UBR1: variants seen among roughly 807,000 people sequenced by gnomAD.
The protein encoded by UBR1 is ubiquitin protein ligase E3 component n-recognin 1, also known as E3 ubiquitin-protein ligase UBR1.
UBR1 carries 102 observed loss-of-function variants against 242.1 expected under a neutral mutation model. The ratio of observed to expected loss-of-function variants is 0.42; its 90% confidence interval spans 0.36 to 0.50. The LOEUF is 0.50. Ranked by LOEUF, UBR1 falls within the 20% of genes least tolerant of loss-of-function variation. UBR1 has a pLI of 0.01. For synonymous variants in UBR1, 675 were observed against 684.8 expected (o/e 0.99, Z 0.22); for missense variants, 1,772 against 2,101.8 (o/e 0.84, Z 3.07).
chr15:42,966,732 A>C (rs1043988703), intron 40 of UBR1, among the ~76,000 whole-genome samples: 1 of 152,100 alleles, frequency 6.6e-6, no homozygotes, highest in Non-Finnish European at 1.5e-5. Flanking sequence ...AAATCTCCTA[A>C]TAATTTCCTC....
intron 33 of UBR1, among the ~76,000 whole-genome samples, chr15:42,990,538 A>G (rs2032539935): frequency 6.6e-6 from 1 of 152,212 alleles, no homozygotes; most frequent in African/African-American, 2.4e-5. Flanking sequence ...TAAGCAATGA[A>G]TGATTAACTG....
chr15:43,013,167 A>G (rs1314696573), intron 29 of UBR1, among the ~76,000 whole-genome samples: 1 of 152,202 alleles, frequency 6.6e-6, no homozygotes, highest in Non-Finnish European at 1.5e-5. Context: ...GGCCTCCCAA[A>G]GTGCTGGGAT....
chr15:43,024,775 G>C, intron 25 of UBR1, 54 bp downstream of exon 25: 10 of 1,612,174 alleles, frequency 6.2e-6, no homozygotes, highest in Non-Finnish European at 8.5e-6. Flanking sequence ...ATCTTCCCTA[G>C]CTCCCCAAGA....
intron 6 of UBR1, 107 bp downstream of exon 6, chr15:43,067,791 G>C (rs1596128021): frequency 1.5e-6 from 2 of 1,320,034 alleles, no homozygotes; most frequent in East Asian, 4.7e-5. Flanking sequence ...GGAATAAATG[G>C]AGAGGATGGT....
chr15:43,020,629 T>TA (rs2033097808), intron 27 of UBR1, among the ~76,000 whole-genome samples: 1 of 152,224 alleles, frequency 6.6e-6, no homozygotes, highest in South Asian at 2.1e-4. Context: ...CCCATTGTCC[T>TA]AAAAAATTAT....
chr15:43,022,906 A>AG (rs1383326900), intron 25 of UBR1, 105 bp from the exon 26 acceptor site: 7 of 680,596 alleles, frequency 1.0e-5, no homozygotes, highest in Non-Finnish European at 1.5e-5. Flanking sequence ...TCTGTCACCC[A>AG]GGTTGGAGTG....
Position 42,952,441 on chromosome 15 carries a change from G to A in UBR1, c.4843C>T (p.Arg1615Trp), listed in dbSNP as rs1296198050. ...LNQASHFRCP[R>W]SADDERKHPV... ...TGCTTTCGCTCATCATCTGCAGACC[G>A]TGGGCACCTCAAAAGAGAAGAAAAC... The change falls in exon 45 of 47, where the codon CGG (arginine) becomes TGG (tryptophan). Residue 1615 changes from arginine to tryptophan, a missense_variant. Physicochemically the swap from Arg to Trp is moderately radical, Grantham distance 101. Around this residue, in one of 3 missense-constraint regions of UBR1, gnomAD observed 965 missense variants for 1,079.7 expected, o/e 0.89. Transcript: ENST00000290650. 6 of 1,614,176 alleles carry A rather than the reference G, an allele frequency of 3.7e-6. No individual in the cohort carries two copies. Among genetic ancestry groups the A allele is most frequent in the Non-Finnish European group, 5.1e-6 (6 of 1,180,032 alleles).
At chr15:43,050,598 C>T (rs895485764) in intron 12 of UBR1, among the ~76,000 whole-genome samples, 10 of 151,908 alleles carry the variant, frequency 6.6e-5, no homozygotes, top group African/African-American at 2.4e-4. Flanking sequence ...ACAGCATGTG[C>T]CTGTAGTCCC....
Position 43,026,049 on chromosome 15 carries a change from T to C in UBR1, c.2535+512A>G, listed in dbSNP as rs563192772. 13 of 161,100 alleles carry C rather than the reference T, an allele frequency of 8.1e-5. No homozygotes were observed. The South Asian group carries it at 1.9e-3, about 24-fold the overall frequency. 10.0% of individuals were successfully genotyped at this position (161,100 alleles called of 1,614,324 possible). A position where few individuals can be genotyped will look rare whatever the true frequency, so the allele number is the denominator to read the frequency against. ...GAATTTGAGACCAGCCTGGACAACA[T>C]GGTGAAACCCGGTCTTTACTAAAAA... On this transcript the variant is annotated intron_variant, in intron 23 of 46. Coordinates refer to ENST00000290650, the MANE Select transcript of UBR1 (RefSeq NM_174916.3).
intron 43 of UBR1, among the ~76,000 whole-genome samples, chr15:42,958,296 A>G (rs1054493060): frequency 1.1e-4 from 16 of 152,210 alleles, no homozygotes; most frequent in African/African-American, 3.9e-4. Context: ...TTCCAAACTT[A>G]ACTTCCTCTA....
At chr15:43,021,079 A>T in intron 27 of UBR1, 196 bp downstream of exon 27, 8 of 503,918 alleles carry the variant, frequency 1.6e-5, no homozygotes, top group South Asian at 1.6e-4. Context: ...ATAACGACAA[A>T]AAAAATGAAT....
In UBR1 at chr15:42,945,436, A is replaced by G; in HGVS notation, c.5143T>C (p.Tyr1715His). Residue 1715 changes from tyrosine (Y) to histidine (H), a missense_variant, in exon 47 of 47, where the codon TAT becomes CAT. Around this residue, in one of 3 missense-constraint regions of UBR1, gnomAD observed 965 missense variants for 1,079.7 expected, o/e 0.89. Coordinates refer to ENST00000290650, the MANE Select transcript of UBR1 (RefSeq NM_174916.3). The part of the protein sequence containing the change: ...GNPLHLSRER[Y>H]RKLHLVWQQH... ...TGCCAGACCAAATGGAGCTTCCGAT[A>G]CCGCTCACGAGATAAATGAAGGGGG... 6.2e-7 allele frequency: 1 copy of G among 1,614,152 alleles called. No homozygotes were observed. The highest frequency in any genetic ancestry group is 8.5e-7 in the Non-Finnish European group (1 of 1,180,032).
intron 32 of UBR1, among the ~76,000 whole-genome samples, chr15:43,000,591 C>T (rs925749797): frequency 6.6e-6 from 1 of 152,056 alleles, no homozygotes; most frequent in Non-Finnish European, 1.5e-5. Flanking sequence ...TGTCTTGGGA[C>T]AAGTAAAAAC....
rs537968326 is a variant in UBR1, at chr15:43,071,165, G to T, written c.529-240C>A. Among the ~76,000 whole-genome samples, 5 of 152,288 alleles carry T rather than the reference G, an allele frequency of 3.3e-5. No homozygotes were observed. The South Asian group carries it at 1.0e-3, about 32-fold the overall frequency. On this transcript the variant is annotated intron_variant, in intron 4 of 46. Transcript: ENST00000290650. Reference sequence around the variant, plus strand: ...GCAGAACCATGAAGTCTCCCCATTAGTGATATACTCTCTTATGAATGTTCC... The same window carrying T: ...GCAGAACCATGAAGTCTCCCCATTATTGATATACTCTCTTATGAATGTTCC...
chr15:42,956,462 G>C (rs1293535979), intron 44 of UBR1, among the ~76,000 whole-genome samples: 1 of 152,158 alleles, frequency 6.6e-6, no homozygotes, highest in Non-Finnish European at 1.5e-5. Context: ...TGGGATTACA[G>C]GTGCGCACCA....
rs773449503 is a variant in UBR1, at chr15:42,963,978, G to T, written c.4657C>A (p.Leu1553Ile). Reference sequence around the variant, plus strand: ...ACAGTATCCCAATATTCCTGGAAGAGCAGGAACAAATTTGTAGGTAAAGAT... The same window carrying T: ...ACAGTATCCCAATATTCCTGGAAGATCAGGAACAAATTTGTAGGTAAAGAT... ...YLSLPTNLFL[L>I]FQEYWDTVRP... Residue 1553 changes from leucine to isoleucine, a missense_variant, in exon 42 of 47, where the codon CTC becomes ATC. By Grantham distance (5) the Leu-to-Ile change is conservative. Transcript: ENST00000290650. 2 of 1,613,578 alleles carry T rather than the reference G, an allele frequency of 1.2e-6. No homozygotes were observed. Among genetic ancestry groups the T allele is most frequent in the Non-Finnish European group, 8.5e-7 (1 of 1,179,652 alleles).
At chr15:43,056,170 C>A (rs1365947366) in intron 11 of UBR1, among the ~76,000 whole-genome samples, 174 bp downstream of exon 11, 1 of 152,208 alleles carries the variant, frequency 6.6e-6, no homozygotes, top group African/African-American at 2.4e-5. Context: ...TTGACGAGGA[C>A]ATCTGAACCA....
In UBR1 at chr15:43,092,140, T is replaced by C. The variant is rs115234349; in HGVS notation, c.82-5900A>G. 1,497 of 381,862 alleles carry C rather than the reference T, an allele frequency of 3.9e-3. 17 individuals carry two copies. The highest frequency in any genetic ancestry group is 0.03 in the African/African-American group (1,404 of 47,234). The allele number at this position is 381,862 out of a possible 1,614,324, so 23.7% of individuals were successfully genotyped here. On this transcript the variant is annotated intron_variant, in intron 1 of 46. Coordinates refer to ENST00000290650, the MANE Select transcript of UBR1 (RefSeq NM_174916.3). ...TTTAGGCAGAATGTCTGGGTGCTGATGCCTTAAATACCCTCTCCATCAGTC... is the reference window on the plus strand; with the variant it reads ...TTTAGGCAGAATGTCTGGGTGCTGACGCCTTAAATACCCTCTCCATCAGTC...
intron 2 of UBR1, among the ~76,000 whole-genome samples, 184 bp downstream of exon 2, chr15:43,085,800 T>C (rs2034028324): frequency 6.6e-6 from 1 of 151,512 alleles, no homozygotes; most frequent in African/African-American, 2.4e-5. Context: ...CCCGTAATCC[T>C]AGCTACTTGG....
Sources: gnomAD v4.1 joint callset for allele counts (sites outside exome capture counted in the v4.1 genomes callset) on GRCh38, gnomAD v4.1.1 for gene constraint, gnomAD v4.1.1 regional missense constraint, MANE v1.5 for transcripts, NCBI Gene and HGNC (gene_info 2026-07-23, HGNC 2026-07-21) for gene names.